Variants in GALNTL6 observed in about 807,000 individuals in gnomAD.
GALNTL6 encodes polypeptide N-acetylgalactosaminyltransferase like 6.
Under a neutral mutation model 73.7 loss-of-function variants are expected in GALNTL6, and 46 were observed. The ratio of observed to expected loss-of-function variants is 0.62; its 90% CI spans 0.49 to 0.80. The LOEUF (loss-of-function observed/expected upper bound fraction) is 0.80, where lower values mean the gene tolerates loss of function less well. Ranked by LOEUF, GALNTL6 falls within the 30% of genes least tolerant of loss-of-function variation. The pLI, the probability that GALNTL6 is intolerant of heterozygous loss-of-function variation, is 0.00. For synonymous variants in GALNTL6, 259 were observed against 263.7 expected, an observed-to-expected ratio of 0.98 and a Z score of 0.17; for missense variants, 604 against 755.0, an observed-to-expected ratio of 0.80 and a Z score of 2.34.
chr4:172,286,868 T>C (rs1347070156), intron 3 of GALNTL6, among the ~76,000 whole-genome samples: 1 of 152,032 alleles, frequency 6.6e-6, no homozygotes, highest in East Asian at 1.9e-4. Flanking sequence ...TTCAGTAAGG[T>C]TTTTTATGAA....
intron 2 of GALNTL6, among the ~76,000 whole-genome samples, chr4:171,898,917 G>A (rs1427468029): frequency 6.6e-6 from 1 of 151,852 alleles, no homozygotes; most frequent in Non-Finnish European, 1.5e-5. Flanking sequence ...CATAGTCTTG[G>A]TATTAAAGAA....
intron 5 of GALNTL6, among the ~76,000 whole-genome samples, chr4:172,576,986 C>T (rs1736979369): frequency 1.3e-5 from 2 of 152,150 alleles, no homozygotes; most frequent in South Asian, 4.1e-4. Context: ...GTGTCACAAT[C>T]TGTCAGACAC....
chr4:172,558,190 CATT>C (rs575840637), intron 5 of GALNTL6, among the ~76,000 whole-genome samples: 126 of 152,262 alleles, frequency 8.3e-4, no homozygotes, highest in Middle Eastern at 6.8e-3. Flanking sequence ...AAAACAGAAT[CATT>C]GTTGCCATTT....
At chr4:172,920,758 A>T (rs374913219) in intron 8 of GALNTL6, among the ~76,000 whole-genome samples, 23 of 152,334 alleles carry the variant, frequency 1.5e-4, no homozygotes, top group African/African-American at 5.5e-4. Flanking sequence ...AGAGTGAGTT[A>T]TCATTAAGTA....
chr4:172,984,825 T>C (rs931751533), intron 10 of GALNTL6, among the ~76,000 whole-genome samples: 1 of 152,150 alleles, frequency 6.6e-6, no homozygotes, highest in Non-Finnish European at 1.5e-5. Context: ...AACACTGCCA[T>C]GTAAAGGAAG....
intron 2 of GALNTL6, among the ~76,000 whole-genome samples, chr4:172,218,437 G>C (rs1026725020): frequency 7.2e-4 from 109 of 152,012 alleles, no homozygotes; most frequent in African/African-American, 2.6e-3. Context: ...GGCTCCCTAA[G>C]ACTATTGCTC....
intron 2 of GALNTL6, among the ~76,000 whole-genome samples, chr4:171,982,579 T>A (rs1412498583): frequency 6.6e-6 from 1 of 152,182 alleles, no homozygotes; most frequent in Non-Finnish European, 1.5e-5. Context: ...ATTACAAGCA[T>A]GAGCCACCGC....
rs192431708 is a variant in GALNTL6, at chr4:172,912,478, A to G, written c.1042-18683A>G. On this transcript the variant is annotated intron_variant, in intron 8 of 12. Transcript: ENST00000506823. ...TTCCCTTTCCTAGACAAGGGAAGCC[A>G]TGACAGACGGTACCTGCAAAATAGG... is the stretch of plus-strand genomic sequence containing the variant. 3.8e-3 allele frequency among the ~76,000 whole-genome samples: 572 copies of G among 152,354 alleles called. 2 individuals are homozygous for G. Among genetic ancestry groups the G allele is most frequent in the Middle Eastern group, 0.02 (6 of 294 alleles).
chr4:173,025,127 G>C (rs1753179851), intron 12 of GALNTL6, among the ~76,000 whole-genome samples: 1 of 152,112 alleles, frequency 6.6e-6, no homozygotes, highest in South Asian at 2.1e-4. Context: ...TTTAGATGTG[G>C]CTCTTTGCCA....
chr4:172,517,317 A>T (rs1434892592), intron 5 of GALNTL6, among the ~76,000 whole-genome samples: 1 of 151,958 alleles, frequency 6.6e-6, no homozygotes, highest in Non-Finnish European at 1.5e-5. Context: ...CCATGCATTC[A>T]AACTGGATAC....
chr4:172,636,647 G>A (rs953948878), intron 5 of GALNTL6, among the ~76,000 whole-genome samples: 3 of 152,178 alleles, frequency 2.0e-5, no homozygotes, highest in African/African-American at 7.2e-5. Context: ...GCCTTCAAAA[G>A]GAGTACAGCC....
chr4:172,610,737 C>A (rs1738494379), intron 5 of GALNTL6, among the ~76,000 whole-genome samples: 1 of 151,982 alleles, frequency 6.6e-6, no homozygotes, highest in Admixed American at 6.6e-5. Flanking sequence ...TCCTGAATAT[C>A]TTTGTTAATA....
intron 5 of GALNTL6, among the ~76,000 whole-genome samples, chr4:172,611,973 A>G (rs996830949): frequency 3.9e-5 from 6 of 152,130 alleles, no homozygotes; most frequent in Admixed American, 2.0e-4. Context: ...TCTTCTATTT[A>G]TCAACAGAGC....
chr4:172,331,814 G>A (rs988806456), intron 4 of GALNTL6, among the ~76,000 whole-genome samples: 1 of 152,130 alleles, frequency 6.6e-6, no homozygotes, highest in African/African-American at 2.4e-5. Context: ...TACTTTAGCT[G>A]TTGTGAATAG....
intron 12 of GALNTL6, among the ~76,000 whole-genome samples, chr4:173,038,913 A>G (rs1419937190): frequency 6.6e-6 from 1 of 152,236 alleles, no homozygotes; most frequent in Non-Finnish European, 1.5e-5. Context: ...TAAACTAAAT[A>G]ATAAAACATT....
At position 172,898,191 on chromosome 4, in the gene GALNTL6, G is replaced by T. The variant is rs559884448; in HGVS notation, c.1041+15284G>T. On this transcript the variant is annotated intron_variant, in intron 8 of 12. Coordinates refer to ENST00000506823, the MANE Select transcript of GALNTL6 (RefSeq NM_001034845.3). Reference sequence around the variant, plus strand: ...TTAAAAATACAAATAACAGTGTACAGCTCTTCTTCATATGTCTCATATGAA... The same window carrying T: ...TTAAAAATACAAATAACAGTGTACATCTCTTCTTCATATGTCTCATATGAA... Among the ~76,000 whole-genome samples the T allele has an allele frequency of 2.6e-5, 4 of 151,774 alleles. No homozygotes were observed. The South Asian group carries it at 6.2e-4, about 24-fold the overall frequency.
At chr4:172,569,682 G>T (rs1243948580) in intron 5 of GALNTL6, among the ~76,000 whole-genome samples, 1 of 152,078 alleles carries the variant, frequency 6.6e-6, no homozygotes, top group Non-Finnish European at 1.5e-5. Flanking sequence ...AAAGCTAGAA[G>T]TCATAAAGGG....
chr4:172,384,151 T>C (rs1382152432), intron 5 of GALNTL6, among the ~76,000 whole-genome samples: 1 of 152,166 alleles, frequency 6.6e-6, no homozygotes, highest in Non-Finnish European at 1.5e-5. Context: ...TTCTACTTTT[T>C]GCAAGAATTT....
At chr4:172,466,349 T>A (rs555956419) in intron 5 of GALNTL6, among the ~76,000 whole-genome samples, 1 of 152,316 alleles carries the variant, frequency 6.6e-6, no homozygotes, top group East Asian at 1.9e-4. Context: ...AATTTTAAAA[T>A]AGCAGCTACA....
Sources: allele counts gnomAD v4.1 joint callset (sites outside exome capture counted in the v4.1 genomes callset), GRCh38; gene constraint gnomAD v4.1.1; transcripts MANE v1.5; gene names NCBI Gene and HGNC (gene_info 2026-07-23, HGNC 2026-07-21).